PWWP2A: variants seen among roughly 807,000 people sequenced by gnomAD.
PWWP2A encodes PWWP domain-containing protein 2A.
A neutral mutation model predicts 48.5 loss-of-function variants in PWWP2A; 18 were observed. That is an observed-to-expected ratio of 0.37 (90% confidence interval 0.26 to 0.55). The LOEUF (loss-of-function observed/expected upper bound fraction) is 0.55, where lower values mean the gene tolerates loss of function less well. PWWP2A is among the 20% of genes least tolerant of loss of function. PWWP2A has a pLI of 0.81. For synonymous variants in PWWP2A, 396 were observed against 387.7 expected (o/e 1.02, Z -0.25); for missense variants, 867 against 976.4 (o/e 0.89, Z 1.49).
chr5:160,086,525 A>AAT (rs936255518), downstream of PWWP2A, among the ~76,000 whole-genome samples: 173 of 151,190 alleles, frequency 1.1e-3, no homozygotes, highest in Admixed American at 4.2e-3. Context: ...TAAATAAATA[A>AAT]ATATATATAT....
chr5:160,089,644 T>C (rs1429163661), downstream of PWWP2A: 10 of 1,286,254 alleles, frequency 7.8e-6, 1 homozygote, highest in Admixed American at 2.3e-4. Flanking sequence ...ACTCTGATGC[T>C]TTACATTTCT....
chr5:160,092,961 A>T lies in PWWP2A; in HGVS notation c.1689T>A (p.Asn563Lys), dbSNP rs1036129585. ...GATTTAGGGTCATATAAACAGAGAT[A>T]TTGTTTTTGCTGCCCTTTTTGCCCA... ...QTLGKKGSKN[N>K]ISVYMTLNQK... Residue 563 changes from asparagine to lysine, a missense_variant, in exon 2 of 2, where the codon AAT becomes AAA. Coordinates refer to ENST00000307063, the MANE Select transcript of PWWP2A (RefSeq NM_001130864.2). The T allele has an allele frequency of 1.3e-6, 2 of 1,552,966 alleles. No individual in the cohort carries two copies. Among genetic ancestry groups the T allele is most frequent in the African/African-American group, 2.7e-5 (2 of 73,264 alleles).
At chr5:160,104,310 G>A (rs903976108) in intron 1 of PWWP2A, among the ~76,000 whole-genome samples, 5 of 151,378 alleles carry the variant, frequency 3.3e-5, no homozygotes, top group African/African-American at 1.2e-4. Flanking sequence ...ACACGCCTGT[G>A]GTCCCAGCTA....
chr5:160,104,574 G>A (rs915040925), intron 1 of PWWP2A, among the ~76,000 whole-genome samples: 5 of 151,606 alleles, frequency 3.3e-5, no homozygotes, highest in African/African-American at 4.8e-5. Context: ...AGGCTCAGGC[G>A]GGTGGATCAC....
Position 160,119,247 on chromosome 5 carries a change from A to G in PWWP2A, c.142T>C (p.Ser48Pro). Residue 48 changes from serine to proline, a missense_variant, in exon 1 of 2, where the codon TCT becomes CCT. This residue lies in a region of PWWP2A where 385 missense variants were observed against 396.9 expected (regional missense o/e 0.97). Transcript: ENST00000307063. ...CCGTCAGTCTCGCCATCCGGCACAG[A>G]CGCTTCAGTGGCCGTGACCGGGAGG... ...DPLPVTATEASVPDGETDGQQ... is the reference protein window; with the variant it reads ...DPLPVTATEAPVPDGETDGQQ... 2.5e-5 allele frequency: 35 copies of G among 1,418,294 alleles called. No individual in the cohort carries two copies. The highest frequency in any genetic ancestry group is 3.0e-5 in the Non-Finnish European group (33 of 1,097,774). The allele number at this position is 1,418,294 out of a possible 1,614,324, so 87.9% of individuals were successfully genotyped here.
the PWWP2A span, among the ~76,000 whole-genome samples, chr5:160,055,004 T>A: frequency 6.6e-6 from 1 of 152,206 alleles, no homozygotes; most frequent in Non-Finnish European, 1.5e-5. Context: ...TGTGGCTGTG[T>A]CACCTTATGG....
At chr5:160,117,540 CCAGCTACTT>C (rs1758262606) in intron 1 of PWWP2A, among the ~76,000 whole-genome samples, 1 of 152,032 alleles carries the variant, frequency 6.6e-6, no homozygotes, top group African/African-American at 2.4e-5. Flanking sequence ...GCCTGTAGTC[CCAGCTACTT>C]GGGAGGCTGA....
chr5:160,050,974 G>A, the PWWP2A span, among the ~76,000 whole-genome samples: 1 of 93,394 alleles, frequency 1.1e-5, no homozygotes, highest in African/African-American at 4.3e-5. Context: ...ATAAATACTT[G>A]GGGTTTTTTT....
Position 160,118,861 on chromosome 5 carries a change from C to T in PWWP2A, c.528G>A (p.Val176=). 6.3e-7 allele frequency: 1 copy of T among 1,592,320 alleles called. No individual in the cohort carries two copies. Among genetic ancestry groups the T allele is most frequent in the Non-Finnish European group, 8.5e-7 (1 of 1,171,000 alleles). ...LDHIIEDALV[V]SFRFGEKLFS... ...AGAGCTTCTCCCCGAAGCGGAACGA[C>T]ACGACAAGCGCGTCCTCAATGATGT... Residue 176 remains valine (V), a synonymous_variant, in exon 1 of 2, where the codon GTG becomes GTA. Transcript: ENST00000307063.
At chr5:160,118,782 G>A (rs1219525931) in intron 1 of PWWP2A, 23 bp downstream of exon 1, 7 of 1,398,620 alleles carry the variant, frequency 5.0e-6, no homozygotes, top group East Asian at 6.1e-5. Flanking sequence ...CGGACCGGAG[G>A]GTGCTGGGGG....
In PWWP2A at chr5:160,078,202, G is replaced by A. The variant is rs1457711358; in HGVS notation, c.1670-34C>T. On this transcript the variant is annotated intron_variant, in intron 3 of 3. Coordinates refer to the PWWP2A transcript ENST00000456329. The surrounding 1 kb of genome is among the most constrained non-coding windows in gnomAD (Gnocchi z 4.2). ...TAGTAAAGAAAAGGAAGAAAATGTCGTTAAGCACAAGTAATTATATGAGGA... is the reference window on the plus strand; with the variant it reads ...TAGTAAAGAAAAGGAAGAAAATGTCATTAAGCACAAGTAATTATATGAGGA... The A allele has an allele frequency of 4.0e-6, 6 of 1,511,534 alleles. No individual in the cohort carries two copies. The highest frequency in any genetic ancestry group is 3.6e-6 in the Non-Finnish European group (4 of 1,110,736). The allele number at this position is 1,511,534 out of a possible 1,614,324, so 93.6% of individuals were successfully genotyped here. A position where few individuals can be genotyped will look rare whatever the true frequency, so the allele number is the denominator to read the frequency against.
chr5:160,091,833 G>C lies in PWWP2A; in HGVS notation c.*549C>G, dbSNP rs568024945. On this transcript the variant is annotated 3_prime_UTR_variant, in exon 2 of 2. Transcript: ENST00000307063. ...TAACTTTTACACCATTATGCGCATAGAAAGGCTAAGTGTTCATTATTTAAA... is the reference window on the plus strand; with the variant it reads ...TAACTTTTACACCATTATGCGCATACAAAGGCTAAGTGTTCATTATTTAAA... 1 of 984,998 alleles carries C rather than the reference G, an allele frequency of 1.0e-6. No individual in the cohort carries two copies. The highest frequency in any genetic ancestry group is 4.7e-5 in the South Asian group (1 of 21,274). 61.0% of individuals were successfully genotyped at this position (984,998 alleles called of 1,614,324 possible). A position where few individuals can be genotyped will look rare whatever the true frequency, so the allele number is the denominator to read the frequency against.
At chr5:160,076,867 T>A (rs1160060927) in exon 4 of PWWP2A, 1 of 152,156 alleles carries the variant, frequency 6.6e-6, no homozygotes, top group East Asian at 1.9e-4. Flanking sequence ...TTTCCCTTTT[T>A]TGTAGTAAGT....
At chr5:160,089,191 G>A (rs1366736857), downstream of PWWP2A, among the ~76,000 whole-genome samples, 1 of 151,990 alleles carries the variant, frequency 6.6e-6, no homozygotes, top group African/African-American at 2.4e-5. Context: ...CTATCACACT[G>A]ATATATAGGG....
intron 1 of PWWP2A, chr5:160,113,154 G>A (rs1368946479): frequency 1.2e-6 from 1 of 804,906 alleles, no homozygotes; most frequent in Non-Finnish European, 1.4e-6. Flanking sequence ...GCAAGACTCT[G>A]TGTCAAAAAA....
chr5:160,062,667 T>A (rs1051827740), intron 5 of PWWP2A, among the ~76,000 whole-genome samples: 1 of 152,082 alleles, frequency 6.6e-6, no homozygotes, highest in Non-Finnish European at 1.5e-5. Flanking sequence ...CCATCCAGAG[T>A]AGGCTTCTCC....
At chr5:160,081,239 CTT>C (rs11410217) in intron 2 of PWWP2A, among the ~76,000 whole-genome samples, 7,048 of 133,492 alleles carry the variant, frequency 0.053, 127 homozygotes, top group East Asian at 0.098. Flanking sequence ...CAATGACCCC[CTT>C]TTTTTTTTTT....
chr5:160,082,834 T>C (rs1754341950), intron 2 of PWWP2A, among the ~76,000 whole-genome samples: 1 of 152,160 alleles, frequency 6.6e-6, no homozygotes, highest in African/African-American at 2.4e-5. Flanking sequence ...GGCGGCAATT[T>C]CATCGGAAAT....
chr5:160,064,523 G>C (rs1753540304), intron 4 of PWWP2A, among the ~76,000 whole-genome samples: 1 of 152,208 alleles, frequency 6.6e-6, no homozygotes, highest in Non-Finnish European at 1.5e-5. Flanking sequence ...AAGAGACTTG[G>C]AGGGACCTCT....
Sources: gnomAD v4.1 joint callset for allele counts (sites outside exome capture counted in the v4.1 genomes callset) on GRCh38, gnomAD v4.1.1 for gene constraint, gnomAD v4.1.1 regional missense constraint, Gnocchi (gnomAD v3.1) non-coding constraint, MANE v1.5 for transcripts, NCBI Gene and HGNC (gene_info 2026-07-23, HGNC 2026-07-21) for gene names.